Variants in CELSR1 observed in about 807,000 individuals in gnomAD.
The protein encoded by CELSR1 is adhesion G protein-coupled receptor C1.
Under a neutral mutation model 249.1 loss-of-function variants are expected in CELSR1, and 110 were observed. The ratio of observed to expected loss-of-function variants is 0.44; its 90% CI spans 0.38 to 0.52. The LOEUF (loss-of-function observed/expected upper bound fraction) is 0.52, where lower values mean the gene tolerates loss of function less well. Among genes scored for constraint, CELSR1 ranks in the 20% least tolerant of loss-of-function variants. The pLI is 0.00. For missense variants in CELSR1, 4,109 were observed against 4,296.4 expected (o/e 0.96, Z 1.22); for synonymous variants, 2,113 against 1,900.0 (o/e 1.11, Z -2.92).
chr22:46,501,231 G>C (rs1211458818), intron 1 of CELSR1, among the ~76,000 whole-genome samples: 1 of 122,160 alleles, frequency 8.2e-6, no homozygotes, highest in African/African-American at 3.3e-5. Context: ...TTTTGAGACA[G>C]AGTCTCGCTC....
intron 1 of CELSR1, among the ~76,000 whole-genome samples, chr22:46,514,757 T>A (rs1244692659): frequency 6.6e-6 from 1 of 152,080 alleles, no homozygotes; most frequent in Non-Finnish European, 1.5e-5. Flanking sequence ...CTGAATGAAT[T>A]GCCCAGCCCT....
At position 46,362,206 on chromosome 22, in the gene CELSR1, A is replaced by AC. The variant is rs1406495193; in HGVS notation, c.*1016dup. The stretch of plus-strand genomic sequence containing the variant: ...AGGAGCAAAGGACAAAGCCATCCCC[A>AC]CCTGCAGCTCCCGGGCCACCTGGGA... On this transcript the variant is annotated 3_prime_UTR_variant, in exon 35 of 35. Transcript: ENST00000674500. The AC allele has an allele frequency of 2.0e-5, 3 of 152,210 alleles. No homozygotes were observed. The highest frequency in any genetic ancestry group is 6.5e-5 in the Admixed American group (1 of 15,276). 9.4% of individuals were successfully genotyped at this position (152,210 alleles called of 1,614,324 possible).
chr22:46,365,676 G>T lies in CELSR1; in HGVS notation c.8314C>A (p.Gln2772Lys). Residue 2772 changes from glutamine to lysine, a missense_variant, in exon 31 of 35, where the codon CAG becomes AAG. This residue lies in a region of CELSR1 where 1,805 missense variants were observed against 1,831.6 expected (regional missense o/e 0.99). Coordinates refer to ENST00000674500, the MANE Select transcript of CELSR1 (RefSeq NM_001378328.1). ...LDSIVRDEGI[Q>K]KLGVSSGLVR... is the part of the protein sequence containing the mutation. ...AGCCCAGAGGACACGCCGAGCTTCTGGATCCCTTCATCCCTAGAGAGGCCA... is the reference window on the plus strand; with the variant it reads ...AGCCCAGAGGACACGCCGAGCTTCTTGATCCCTTCATCCCTAGAGAGGCCA... 1 of 1,577,322 alleles carries T rather than the reference G, an allele frequency of 6.3e-7. No homozygotes were observed. The highest frequency in any genetic ancestry group is 1.3e-5 in the African/African-American group (1 of 74,180).
chr22:46,481,580 C>T (rs1445271283), intron 1 of CELSR1: 15 of 837,604 alleles, frequency 1.8e-5, no homozygotes, highest in Non-Finnish European at 2.8e-5. Flanking sequence ...TGGTGGCACT[C>T]GATGCACTGG....
At chr22:46,474,197 G>T (rs748667957) in intron 1 of CELSR1, among the ~76,000 whole-genome samples, 4 of 152,164 alleles carry the variant, frequency 2.6e-5, no homozygotes, top group Non-Finnish European at 4.4e-5. Flanking sequence ...GGCAGGGCTG[G>T]GGAGAGCAGA....
chr22:46,524,551 T>C (rs78786726), intron 1 of CELSR1, among the ~76,000 whole-genome samples: 946 of 45,816 alleles, frequency 0.021, 7 homozygotes, highest in African/African-American at 0.091. Context: ...CGTGTGTGTG[T>C]GTGTGTGTGT....
At position 46,409,854 on chromosome 22, in the gene CELSR1, C is replaced by G. The variant is rs776170182; in HGVS notation, c.4960G>C (p.Asp1654His). ...EGCAARRNFC[D>H]GRRCQNGGTC... ...CCTCCATTCTGACACCGCCTCCCAT[C>G]GCAGAAGTTCCTCCGAGCAGCGCAG... Residue 1654 changes from aspartate to histidine, a missense_variant, in exon 8 of 35, where the codon GAT (aspartate) becomes CAT (histidine). Physicochemically the swap from Asp to His is moderately conservative, Grantham distance 81 (BLOSUM62 -1). Transcript: ENST00000674500. The surrounding 1 kb of genome is among the most constrained non-coding windows in gnomAD (Gnocchi z 9.8). 12 of 1,613,598 alleles carry G rather than the reference C, an allele frequency of 7.4e-6. No homozygotes were observed. The highest frequency in any genetic ancestry group is 6.7e-5 in the Admixed American group (4 of 60,010).
rs2080164508 is a variant in CELSR1 at position 46,472,365 on chromosome 22, C to T, written c.3545-8020G>A. On this transcript the variant is annotated intron_variant, in intron 1 of 34. Coordinates refer to ENST00000674500, the MANE Select transcript of CELSR1 (RefSeq NM_001378328.1). The surrounding 1 kb of genome is among the most constrained non-coding windows in gnomAD (Gnocchi z 7.0). Reference sequence around the variant, plus strand: ...GGCTCATGCTGTGGGGCAGTGGGGGCAGAGGTCACATCATGGCCCTCAAGG... The same window carrying T: ...GGCTCATGCTGTGGGGCAGTGGGGGTAGAGGTCACATCATGGCCCTCAAGG... Among the ~76,000 whole-genome samples, 1 of 152,146 alleles carries T rather than the reference C, an allele frequency of 6.6e-6. No individual in the cohort carries two copies. Among genetic ancestry groups the T allele is most frequent in the Admixed American group, 6.6e-5 (1 of 15,266 alleles).
Position 46,391,897 on chromosome 22 carries a change from C to A in CELSR1, c.5965-81G>T. ...TTGCAGCGTGTTTCCCGAGCGACGTCCAGACTCCCACCCGGGTGTGTGTGT... is the reference window on the plus strand; with the variant it reads ...TTGCAGCGTGTTTCCCGAGCGACGTACAGACTCCCACCCGGGTGTGTGTGT... On this transcript the variant is annotated intron_variant, in intron 14 of 34. Transcript: ENST00000674500. The surrounding 1 kb of genome is among the most constrained non-coding windows in gnomAD (Gnocchi z 4.3). 7.0e-7 allele frequency: 1 copy of A among 1,429,210 alleles called. No individual in the cohort carries two copies. The highest frequency in any genetic ancestry group is 9.5e-7 in the Non-Finnish European group (1 of 1,056,088). 88.5% of individuals were successfully genotyped at this position (1,429,210 alleles called of 1,614,324 possible). A position where few individuals can be genotyped will look rare whatever the true frequency, so the allele number is the denominator to read the frequency against.
In CELSR1 at chr22:46,363,070, C is replaced by T. The variant is rs1312647986; in HGVS notation, c.*153G>A. The T allele has an allele frequency of 2.0e-6, 3 of 1,519,732 alleles. No homozygotes were observed. The highest frequency in any genetic ancestry group is 2.3e-5 in the East Asian group (1 of 44,280). 94.1% of individuals were successfully genotyped at this position (1,519,732 alleles called of 1,614,324 possible). On this transcript the variant is annotated 3_prime_UTR_variant, in exon 35 of 35. Transcript: ENST00000674500. The surrounding 1 kb of genome is among the most constrained non-coding windows in gnomAD (Gnocchi z 4.3). The stretch of plus-strand genomic sequence containing the variant: ...TGGATGATCAGTCGGGGGGCTGCCA[C>T]CATGGGGACCGCCACACTCTGGGCC...
intron 20 of CELSR1, among the ~76,000 whole-genome samples, chr22:46,382,572 G>A (rs143102297): frequency 4.8e-4 from 73 of 152,282 alleles, no homozygotes; most frequent in African/African-American, 1.4e-3. Flanking sequence ...CACCGCGCCC[G>A]GCCTGGACCC....
At position 46,429,441 on chromosome 22, in the gene CELSR1, G is replaced by C. The variant is rs954935653; in HGVS notation, c.4611+3952C>G. 2.0e-5 allele frequency among the ~76,000 whole-genome samples: 3 copies of C among 152,220 alleles called. No individual in the cohort carries two copies. Among genetic ancestry groups the C allele is most frequent in the African/African-American group, 7.2e-5 (3 of 41,448 alleles). On this transcript the variant is annotated intron_variant, in intron 5 of 34. Transcript: ENST00000674500. This position sits in a 1 kb window ranked among gnomAD's most constrained non-coding sequence, Gnocchi z 4.1. ...CTCCCGGCGTGGCTGTGGGCGTGGG[G>C]GCTGTGTTGTTCATCTGTGCTTGGC... is the stretch of plus-strand genomic sequence containing the variant.
intron 32 of CELSR1, 45 bp downstream of exon 32, chr22:46,365,186 C>A (rs578127051): frequency 2.5e-6 from 4 of 1,586,672 alleles, no homozygotes; most frequent in Admixed American, 1.7e-5. Flanking sequence ...GCCCCGAGCC[C>A]GCTGTCCACA....
At chr22:46,521,467 T>C (rs1301398773) in intron 1 of CELSR1, among the ~76,000 whole-genome samples, 4 of 150,794 alleles carry the variant, frequency 2.7e-5, no homozygotes, top group Non-Finnish European at 2.9e-5. Flanking sequence ...ATCGCGCCAC[T>C]GCACTCCAGC....
intron 1 of CELSR1, among the ~76,000 whole-genome samples, chr22:46,516,414 A>G (rs921988476): frequency 6.6e-6 from 1 of 151,700 alleles, no homozygotes; most frequent in Admixed American, 6.6e-5. Flanking sequence ...CAATGAGAAC[A>G]CTTGGACACA....
Position 46,409,730 on chromosome 22 carries a change from G to C in CELSR1, c.5059+25C>G, listed in dbSNP as rs1311124939. The C allele has an allele frequency of 6.2e-7, 1 of 1,610,846 alleles. No individual in the cohort carries two copies. The highest frequency in any genetic ancestry group is 1.7e-5 in the Admixed American group (1 of 60,022). ...TGCCTCCCAGGCCGCCGTGACCGGG[G>C]GGATGGACGACGCCGGCCACTCACC... On this transcript the variant is annotated intron_variant, in intron 8 of 34. Coordinates refer to ENST00000674500, the MANE Select transcript of CELSR1 (RefSeq NM_001378328.1). This position sits in a 1 kb window ranked among gnomAD's most constrained non-coding sequence, Gnocchi z 9.8.
chr22:46,386,378 C>T, intron 19 of CELSR1, 24 bp downstream of exon 19: 1 of 1,521,262 alleles, frequency 6.6e-7, no homozygotes, highest in Non-Finnish European at 8.8e-7. Context: ...CAGGGTTCCA[C>T]CCCCAACGCA....
At chr22:46,416,995 G>A (rs1459805548) in intron 5 of CELSR1, among the ~76,000 whole-genome samples, 8 of 151,998 alleles carry the variant, frequency 5.3e-5, no homozygotes, top group South Asian at 4.2e-4. Context: ...GGAGGGGCAC[G>A]TCTTAGGAAA....
chr22:46,451,911 G>A (rs2079889738), intron 2 of CELSR1, among the ~76,000 whole-genome samples: 1 of 152,156 alleles, frequency 6.6e-6, no homozygotes, highest in South Asian at 2.1e-4. Flanking sequence ...TAAAATGAGC[G>A]CAGAGGGAGA....
Sources: allele counts gnomAD v4.1 joint callset (sites outside exome capture counted in the v4.1 genomes callset), GRCh38; gene constraint gnomAD v4.1.1; regional missense constraint gnomAD v4.1.1; non-coding constraint Gnocchi (gnomAD v3.1); transcripts MANE v1.5; gene names NCBI Gene and HGNC (gene_info 2026-07-23, HGNC 2026-07-21).